Variants in ATP6V0A1 observed in about 807,000 individuals in gnomAD.
The protein encoded by ATP6V0A1 is V-type proton ATPase 116 kDa subunit a 1.
Under a neutral mutation model 105.4 loss-of-function variants are expected in ATP6V0A1, and 43 were observed. That is an observed-to-expected ratio of 0.41 (90% CI 0.32 to 0.53). The LOEUF (loss-of-function observed/expected upper bound fraction) is 0.53, where lower values mean the gene tolerates loss of function less well. ATP6V0A1 is among the 20% of genes least tolerant of loss of function. ATP6V0A1 has a pLI of 0.30. For synonymous variants in ATP6V0A1, 362 were observed against 372.8 expected (o/e 0.97, Z 0.33); for missense variants, 676 against 1,051.1 (o/e 0.64, Z 4.93).
intron 5 of ATP6V0A1, among the ~76,000 whole-genome samples, chr17:42,476,734 G>T (rs965313055): frequency 2.3e-4 from 35 of 152,252 alleles, no homozygotes; most frequent in African/African-American, 8.2e-4. Context: ...TGTATAAACT[G>T]TCATGGTGGA....
At chr17:42,460,008 T>C (rs1395324470) in intron 1 of ATP6V0A1, among the ~76,000 whole-genome samples, 2 of 152,178 alleles carry the variant, frequency 1.3e-5, no homozygotes, top group South Asian at 2.1e-4. Flanking sequence ...TCAGGACCAC[T>C]GATAGCGCCA....
intron 11 of ATP6V0A1, 26 bp downstream of exon 11, chr17:42,490,663 C>G (rs377653608): frequency 3.1e-5 from 48 of 1,566,776 alleles, no homozygotes; most frequent in Non-Finnish European, 4.0e-5. Context: ...TTATCTTTTT[C>G]CTCTAGAGTT....
intron 20 of ATP6V0A1, 98 bp from the exon 21 acceptor site, chr17:42,514,191 C>A (rs1160626895): frequency 6.9e-7 from 1 of 1,458,726 alleles, no homozygotes; most frequent in African/African-American, 1.4e-5. Context: ...AAGCCAGGAT[C>A]CAGGGAACCC....
intron 4 of ATP6V0A1, among the ~76,000 whole-genome samples, chr17:42,468,548 C>T (rs2145698787): frequency 6.6e-6 from 1 of 152,206 alleles, no homozygotes; most frequent in Middle Eastern, 3.4e-3. Flanking sequence ...ACCCACACAC[C>T]CTTCATAGCC....
intron 17 of ATP6V0A1, among the ~76,000 whole-genome samples, chr17:42,502,509 C>T (rs2091756379): frequency 6.6e-6 from 1 of 152,166 alleles, no homozygotes; most frequent in Non-Finnish European, 1.5e-5. Context: ...CACACACACA[C>T]ACACACAGAG....
intron 10 of ATP6V0A1, among the ~76,000 whole-genome samples, chr17:42,488,416 T>C (rs2090315067): frequency 6.6e-6 from 1 of 152,174 alleles, no homozygotes; most frequent in African/African-American, 2.4e-5. Context: ...TGAGAGACAT[T>C]GGAAGTTCTT....
Position 42,474,268 on chromosome 17 carries a change from T to C in ATP6V0A1, c.424-3392T>C, listed in dbSNP as rs545579891. On this transcript the variant is annotated intron_variant, in intron 5 of 21. Coordinates refer to ENST00000343619, the MANE Select transcript of ATP6V0A1 (RefSeq NM_001130021.3). ...TAGCTGCCTCAGCCTCCCAAAGTGC[T>C]GGAATTACAGGTGTGAGCCACCGCA... 1.8e-4 allele frequency among the ~76,000 whole-genome samples: 28 copies of C among 152,194 alleles called. 1 individual carries two copies. The South Asian group carries it at 5.6e-3, about 30-fold the overall frequency.
At chr17:42,464,572 T>A (rs2086815152) in intron 2 of ATP6V0A1, among the ~76,000 whole-genome samples, 1 of 152,016 alleles carries the variant, frequency 6.6e-6, no homozygotes. Context: ...CCGGCTAATT[T>A]TTTTGTATTT....
At chr17:42,476,882 T>C (rs2088823728) in intron 5 of ATP6V0A1, among the ~76,000 whole-genome samples, 1 of 152,222 alleles carries the variant, frequency 6.6e-6, no homozygotes, top group South Asian at 2.1e-4. Flanking sequence ...TGTGAACTTA[T>C]TTAGAAGATT....
intron 21 of ATP6V0A1, among the ~76,000 whole-genome samples, chr17:42,516,341 G>T (rs1306340553): frequency 6.6e-6 from 1 of 152,070 alleles, no homozygotes; most frequent in Non-Finnish European, 1.5e-5. Context: ...CGTGGCTAGG[G>T]TGCACTCTTC....
At position 42,500,933 on chromosome 17, in the gene ATP6V0A1, C is replaced by T; in HGVS notation, c.1896+10C>T. The T allele has an allele frequency of 6.2e-7, 1 of 1,601,080 alleles. No homozygotes were observed. Among genetic ancestry groups the T allele is most frequent in the Non-Finnish European group, 8.6e-7 (1 of 1,168,156 alleles). ...GTTGTATTCTGGACAGGTACGTCAG[C>T]CCAGAGGCAGACTGTCTGAGATGAT... On this transcript the variant is annotated intron_variant, in intron 16 of 21. Coordinates refer to ENST00000343619, the MANE Select transcript of ATP6V0A1 (RefSeq NM_001130021.3).
intron 17 of ATP6V0A1, among the ~76,000 whole-genome samples, chr17:42,503,320 T>C (rs1363691329): frequency 1.3e-5 from 2 of 152,258 alleles, no homozygotes; most frequent in Non-Finnish European, 2.9e-5. Context: ...TGATCTTTTT[T>C]AGTAGTAACT....
At chr17:42,477,526 T>G (rs2088910308) in intron 5 of ATP6V0A1, 134 bp from the exon 6 acceptor site, 2 of 787,858 alleles carry the variant, frequency 2.5e-6, no homozygotes, top group Non-Finnish European at 4.0e-6. Flanking sequence ...TATCTTGTCT[T>G]TTCGTGGTTT....
chr17:42,507,523 A>C lies in ATP6V0A1; in HGVS notation c.2008A>C (p.Thr670Pro). 1 of 1,610,114 alleles carries C rather than the reference A, an allele frequency of 6.2e-7. No individual in the cohort carries two copies. Among genetic ancestry groups the C allele is most frequent in the African/African-American group, 1.3e-5 (1 of 74,792 alleles). Residue 670 changes from threonine (T) to proline (P), a missense_variant, in exon 18 of 22, where the codon ACT (threonine) becomes CCT (proline). Thr to Pro is a conservative substitution (Grantham distance 38). Coordinates refer to ENST00000343619, the MANE Select transcript of ATP6V0A1 (RefSeq NM_001130021.3). Reference sequence around the variant, plus strand: ...CTCTTTCTGTTCATCTGTGTAGGGAACTCTCAACTTTGGTGGGATCAGGGT... The same window carrying C: ...CTCTTTCTGTTCATCTGTGTAGGGACCTCTCAACTTTGGTGGGATCAGGGT... Reference protein sequence around the residue: ...RQYLRRKHLGTLNFGGIRVGN... With the variant: ...RQYLRRKHLGPLNFGGIRVGN...
chr17:42,509,333 T>A (rs530547367), intron 19 of ATP6V0A1, among the ~76,000 whole-genome samples: 1 of 152,176 alleles, frequency 6.6e-6, no homozygotes, highest in African/African-American at 2.4e-5. Flanking sequence ...CAACATACAC[T>A]CTTTAAACTG....
intron 5 of ATP6V0A1, 68 bp from the exon 6 acceptor site, chr17:42,477,592 A>G (rs901944610): frequency 4.5e-6 from 7 of 1,538,710 alleles, no homozygotes; most frequent in Non-Finnish European, 6.2e-6. Flanking sequence ...CGTTGCCTGC[A>G]TGCCACTAAC....
At chr17:42,520,710 TC>T (rs2092808320) in intron 21 of ATP6V0A1, 1 of 424,002 alleles carries the variant, frequency 2.4e-6, no homozygotes, top group South Asian at 1.8e-5. Flanking sequence ...GGCCACTTGT[TC>T]ATTAACGATG....
chr17:42,466,512 G>A lies in ATP6V0A1; in HGVS notation c.196+5G>A. ...AAGAAATGGATCGAAAGCTTCGTATGTGCACTTTGGTCTTGTGTAATGTTC... is the reference window on the plus strand; with the variant it reads ...AAGAAATGGATCGAAAGCTTCGTATATGCACTTTGGTCTTGTGTAATGTTC... On this transcript the variant is annotated splice_donor_5th_base_variant and intron_variant, in intron 3 of 21. Transcript: ENST00000343619. 1 of 1,610,652 alleles carries A rather than the reference G, an allele frequency of 6.2e-7. No homozygotes were observed. The highest frequency in any genetic ancestry group is 8.5e-7 in the Non-Finnish European group (1 of 1,177,112).
intron 2 of ATP6V0A1, among the ~76,000 whole-genome samples, chr17:42,464,465 C>T (rs985714333): frequency 6.6e-6 from 1 of 151,706 alleles, no homozygotes; most frequent in Non-Finnish European, 1.5e-5. Context: ...TGCAGTGGCA[C>T]GATCTCGGCT....
Sources: allele counts gnomAD v4.1 joint callset (sites outside exome capture counted in the v4.1 genomes callset), GRCh38; gene constraint gnomAD v4.1.1; transcripts MANE v1.5; gene names NCBI Gene and HGNC (gene_info 2026-07-23, HGNC 2026-07-21).